Variants in LRBA observed in about 807,000 individuals in gnomAD.
The protein encoded by LRBA is LPS responsive beige-like anchor protein, also known as lipopolysaccharide-responsive and beige-like anchor protein.
Under a neutral mutation model 330.0 loss-of-function variants are expected in LRBA, and 176 were observed. That is an observed-to-expected ratio of 0.53 (90% confidence interval 0.47 to 0.60). The LOEUF (loss-of-function observed/expected upper bound fraction) is 0.60. LRBA is among the 20% of genes least tolerant of loss of function. LRBA has a pLI of 0.00. For synonymous variants in LRBA, 1,230 were observed against 1,193.0 expected, an observed-to-expected ratio of 1.03 and a Z score of -0.64; for missense variants, 3,259 against 3,444.8, an observed-to-expected ratio of 0.95 and a Z score of 1.35.
chr4:150,722,799 G>A (rs936790940), intron 36 of LRBA, among the ~76,000 whole-genome samples: 20 of 151,828 alleles, frequency 1.3e-4, no homozygotes, highest in African/African-American at 4.8e-4. Context: ...ATGGAAAGAG[G>A]CATTGAGGGG....
intron 34 of LRBA, among the ~76,000 whole-genome samples, chr4:150,786,032 G>C (rs1739006691): frequency 6.6e-6 from 1 of 152,244 alleles, no homozygotes; most frequent in East Asian, 1.9e-4. Flanking sequence ...GGAAATGAAG[G>C]CCAGAAATGG....
chr4:150,808,899 A>G (rs1743192107), intron 31 of LRBA, among the ~76,000 whole-genome samples: 1 of 152,236 alleles, frequency 6.6e-6, no homozygotes, highest in Admixed American at 6.5e-5. Flanking sequence ...GTAATCTTGT[A>G]TCACAACTAT....
chr4:150,489,263 A>T lies in LRBA; in HGVS notation c.6449-1429T>A, dbSNP rs147003210. Among the ~76,000 whole-genome samples the T allele has an allele frequency of 4.3e-4, 31 of 71,644 alleles. 2 individuals are homozygous for T. The highest frequency in any genetic ancestry group is 6.1e-4 in the Non-Finnish European group (26 of 42,456). The allele number at this position is 71,644 out of a possible 152,430, so 47.0% of individuals were successfully genotyped here. On this transcript the variant is annotated intron_variant, in intron 41 of 56. Transcript: ENST00000651943. ...ACGAATATATAATATATTATATATA[A>T]GAATATATAATATATTATATATAAG... is the stretch of plus-strand genomic sequence containing the variant.
chr4:150,323,822 C>G (rs1377929176), intron 49 of LRBA, among the ~76,000 whole-genome samples: 1 of 152,202 alleles, frequency 6.6e-6, no homozygotes, highest in African/African-American at 2.4e-5. Context: ...ATGAGCAGAG[C>G]AACTGGTAAA....
intron 40 of LRBA, among the ~76,000 whole-genome samples, chr4:150,553,558 C>G (rs1766899496): frequency 6.6e-6 from 1 of 152,102 alleles, no homozygotes; most frequent in South Asian, 2.1e-4. Context: ...GAACCCTTGC[C>G]TTAGAAGACA....
chr4:150,563,507 C>T (rs1165421443), intron 40 of LRBA, among the ~76,000 whole-genome samples: 2 of 151,990 alleles, frequency 1.3e-5, no homozygotes, highest in Non-Finnish European at 2.9e-5. Flanking sequence ...CACTTCTATT[C>T]GACATAGTAT....
intron 40 of LRBA, among the ~76,000 whole-genome samples, chr4:150,535,610 G>T (rs1764575197): frequency 6.6e-6 from 1 of 152,106 alleles, no homozygotes; most frequent in Non-Finnish European, 1.5e-5. Flanking sequence ...ATTATCAAAA[G>T]CTTTCTCCTT....
chr4:150,933,313 A>T (rs1001139218), intron 2 of LRBA, among the ~76,000 whole-genome samples: 44 of 151,612 alleles, frequency 2.9e-4, no homozygotes, highest in African/African-American at 1.1e-3. Context: ...GCTTGATCCC[A>T]GGAAGCGGAG....
chr4:150,703,114 T>C (rs2127003560), intron 36 of LRBA, among the ~76,000 whole-genome samples: 1 of 152,182 alleles, frequency 6.6e-6, no homozygotes, highest in Non-Finnish European at 1.5e-5. Flanking sequence ...TGAGCCAAGA[T>C]CGCACCACTA....
At chr4:150,424,629 G>GCACACA (rs368621265) in intron 46 of LRBA, among the ~76,000 whole-genome samples, 107 of 150,206 alleles carry the variant, frequency 7.1e-4, no homozygotes, top group African/African-American at 2.5e-3. Flanking sequence ...GTGCACACAC[G>GCACACA]CACACACACA....
At chr4:150,565,183 G>T (rs1377933708) in intron 40 of LRBA, among the ~76,000 whole-genome samples, 6 of 152,100 alleles carry the variant, frequency 3.9e-5, no homozygotes, top group African/African-American at 1.2e-4. Flanking sequence ...CCACAAAAAA[G>T]AATGAGTTCA....
chr4:150,753,253 T>C (rs1279702818), intron 35 of LRBA, among the ~76,000 whole-genome samples: 1 of 152,212 alleles, frequency 6.6e-6, no homozygotes, highest in Non-Finnish European at 1.5e-5. Context: ...TTGTCTAACT[T>C]TACCAATTAA....
At chr4:150,842,998 C>G (rs1047556090) in intron 28 of LRBA, among the ~76,000 whole-genome samples, 1 of 152,130 alleles carries the variant, frequency 6.6e-6, no homozygotes, top group Non-Finnish European at 1.5e-5. Flanking sequence ...CAACCAAGAT[C>G]CATCGCATGC....
At chr4:150,398,333 T>C (rs899172928) in intron 47 of LRBA, among the ~76,000 whole-genome samples, 3 of 152,120 alleles carry the variant, frequency 2.0e-5, no homozygotes, top group African/African-American at 7.2e-5. Context: ...AATAAGCCAA[T>C]TGACAGAGGT....
intron 46 of LRBA, among the ~76,000 whole-genome samples, chr4:150,418,700 A>C (rs1748136810): frequency 6.6e-6 from 1 of 152,146 alleles, no homozygotes; most frequent in Non-Finnish European, 1.5e-5. Flanking sequence ...CTATTTTTTC[A>C]CCTCTCACTC....
At chr4:150,436,633 C>CA (rs973768484) in intron 45 of LRBA, 91 bp downstream of exon 45, 34 of 1,077,192 alleles carry the variant, frequency 3.2e-5, no homozygotes, top group East Asian at 1.0e-4. Flanking sequence ...TTTTAGTATT[C>CA]AAAAAAATAT....
intron 40 of LRBA, among the ~76,000 whole-genome samples, chr4:150,522,337 G>A (rs1763005579): frequency 6.6e-6 from 1 of 152,166 alleles, no homozygotes; most frequent in South Asian, 2.1e-4. Flanking sequence ...AGAAATTGTT[G>A]TCAAGAGTAG....
At chr4:150,921,367 C>A in intron 4 of LRBA, 74 bp from the exon 5 acceptor site, 1 of 869,650 alleles carries the variant, frequency 1.1e-6, no homozygotes. Context: ...TTAATATAGT[C>A]TTGCTGTAAT....
At chr4:150,511,918 C>T (rs543242390) in intron 40 of LRBA, among the ~76,000 whole-genome samples, 2 of 152,252 alleles carry the variant, frequency 1.3e-5, no homozygotes, top group African/African-American at 4.8e-5. Context: ...TTTGCAAAAG[C>T]TCTGACTTCT....
Sources: gnomAD v4.1 joint callset for allele counts (sites outside exome capture counted in the v4.1 genomes callset) on GRCh38, gnomAD v4.1.1 for gene constraint, MANE v1.5 for transcripts, NCBI Gene and HGNC (gene_info 2026-07-23, HGNC 2026-07-21) for gene names.